Variants in PRKAG2 observed in about 807,000 individuals in gnomAD.
PRKAG2 encodes protein kinase AMP-activated non-catalytic subunit gamma 2.
In PRKAG2, 26 loss-of-function variants were observed where a neutral mutation model predicts 69.6. That is an observed-to-expected ratio of 0.37 (90% CI 0.27 to 0.52). The LOEUF (loss-of-function observed/expected upper bound fraction) is 0.52. Ranked by LOEUF, PRKAG2 falls within the 20% of genes least tolerant of loss-of-function variation. PRKAG2 has a pLI of 0.90. For missense variants in PRKAG2, 557 were observed against 740.0 expected, an observed-to-expected ratio of 0.75 and a Z score of 2.87; for synonymous variants, 293 against 285.0, an observed-to-expected ratio of 1.03 and a Z score of -0.28.
intron 9 of PRKAG2, 99 bp downstream of exon 9, chr7:151,572,565 G>A: frequency 1.2e-6 from 1 of 853,622 alleles, no homozygotes; most frequent in South Asian, 1.5e-5. Context: ...AACATTTTAT[G>A]GAGCAGAGAG....
chr7:151,703,338 T>C (rs190811049), intron 3 of PRKAG2, among the ~76,000 whole-genome samples: 405 of 152,314 alleles, frequency 2.7e-3, no homozygotes, highest in African/African-American at 9.4e-3. Flanking sequence ...ATTTTACCAA[T>C]GAGCAAATAA....
chr7:151,594,202 T>C (rs945786896), intron 6 of PRKAG2, among the ~76,000 whole-genome samples: 9 of 152,206 alleles, frequency 5.9e-5, no homozygotes, highest in Admixed American at 5.9e-4. Context: ...GCTGGGTGTC[T>C]TCCCCTGCCC....
In PRKAG2 at chr7:151,806,167, C is replaced by T. The variant is rs760957209; in HGVS notation, c.115-19626G>A. ...TCCCACCACTGCACCCCAGCTTGGG[C>T]GACAGAGCGAGACTCCGTCTCAACA... On this transcript the variant is annotated intron_variant, in intron 1 of 15. Transcript: ENST00000287878. Among the ~76,000 whole-genome samples the T allele has an allele frequency of 2.0e-5, 3 of 152,204 alleles. No homozygotes were observed. In the East Asian group the frequency reaches 5.8e-4, roughly 29 times the overall value.
intron 3 of PRKAG2, among the ~76,000 whole-genome samples, chr7:151,755,456 G>A (rs2151746081): frequency 6.6e-6 from 1 of 152,220 alleles, no homozygotes; most frequent in South Asian, 2.1e-4. Flanking sequence ...TGACCTCAGA[G>A]GACCTCAGAG....
intron 3 of PRKAG2, among the ~76,000 whole-genome samples, chr7:151,682,980 C>T (rs903925224): frequency 6.6e-6 from 1 of 152,238 alleles, no homozygotes; most frequent in Non-Finnish European, 1.5e-5. Context: ...AAAGGACAGA[C>T]AGGTGCCCCC....
intron 3 of PRKAG2, among the ~76,000 whole-genome samples, chr7:151,717,588 G>A (rs918877721): frequency 1.2e-4 from 19 of 152,210 alleles, no homozygotes; most frequent in African/African-American, 4.3e-4. Flanking sequence ...CTCACCGGCT[G>A]GTACAGTGAC....
At chr7:151,650,724 G>GT (rs1828354560) in intron 4 of PRKAG2, among the ~76,000 whole-genome samples, 1 of 152,242 alleles carries the variant, frequency 6.6e-6, no homozygotes, top group African/African-American at 2.4e-5. Context: ...CAACAAGGCA[G>GT]TGGCAAACTG....
Position 151,807,367 on chromosome 7 carries a change from T to C in PRKAG2, c.115-20826A>G, listed in dbSNP as rs2078165989. ...CTGGAATACTCCATGTGCTTTTTCA[T>C]GCAGCGGGAGTGGAATTTTCAGGAA... is the stretch of plus-strand genomic sequence containing the variant. On this transcript the variant is annotated intron_variant, in intron 1 of 15. Coordinates refer to ENST00000287878, the MANE Select transcript of PRKAG2 (RefSeq NM_016203.4). This position sits in a 1 kb window ranked among gnomAD's most constrained non-coding sequence, Gnocchi z 4.4. 2 of 453,776 alleles carry C rather than the reference T, an allele frequency of 4.4e-6. No homozygotes were observed. Among genetic ancestry groups the C allele is most frequent in the African/African-American group, 4.0e-5 (2 of 50,124 alleles). 28.1% of individuals were successfully genotyped at this position (453,776 alleles called of 1,614,324 possible). A position where few individuals can be genotyped will look rare whatever the true frequency, so the allele number is the denominator to read the frequency against.
In PRKAG2 at chr7:151,681,428, C is replaced by G. The variant is rs558196262; in HGVS notation, c.467-5791G>C. ...GAAGGGAAACTTTTAGAGGAAGGGA[C>G]AGGTGAAATGCTGAGACTCACAGTG... On this transcript the variant is annotated intron_variant, in intron 3 of 15. Coordinates refer to ENST00000287878, the MANE Select transcript of PRKAG2 (RefSeq NM_016203.4). Among the ~76,000 whole-genome samples, 32 of 152,220 alleles carry G rather than the reference C, an allele frequency of 2.1e-4. 1 individual carries two copies. The highest frequency in any genetic ancestry group is 7.7e-4 in the African/African-American group (32 of 41,528).
At chr7:151,558,548 C>T in intron 15 of PRKAG2, 1 of 932,662 alleles carries the variant, frequency 1.1e-6, no homozygotes, top group Non-Finnish European at 1.3e-6. Flanking sequence ...GGGACTTGGC[C>T]TCACGGTGGG....
At chr7:151,846,707 A>C (rs1458575392) in intron 1 of PRKAG2, among the ~76,000 whole-genome samples, 2 of 152,008 alleles carry the variant, frequency 1.3e-5, no homozygotes, top group Non-Finnish European at 2.9e-5. Context: ...CGTGTAGATA[A>C]AGTGAGTATT....
intron 1 of PRKAG2, among the ~76,000 whole-genome samples, chr7:151,795,073 C>T (rs559091143): frequency 2.0e-5 from 3 of 152,244 alleles, no homozygotes; most frequent in Non-Finnish European, 2.9e-5. Context: ...CAGCCTCTTA[C>T]AGGCAGCTGC....
intron 5 of PRKAG2, among the ~76,000 whole-genome samples, chr7:151,623,182 T>C (rs940528131): frequency 6.6e-6 from 1 of 151,742 alleles, no homozygotes; most frequent in African/African-American, 2.4e-5. Flanking sequence ...CTGGCCAACA[T>C]GGTAAAACCC....
intron 3 of PRKAG2, among the ~76,000 whole-genome samples, chr7:151,769,489 C>T (rs755569884): frequency 4.6e-5 from 7 of 152,192 alleles, no homozygotes; most frequent in Non-Finnish European, 8.8e-5. Context: ...GCTGAAGTTA[C>T]GCATCTACGA....
intron 15 of PRKAG2, chr7:151,559,404 G>T: frequency 1.0e-6 from 1 of 985,412 alleles, no homozygotes; most frequent in Non-Finnish European, 1.2e-6. Context: ...AACACTTGAA[G>T]TTTGCAAGTG....
chr7:151,865,232 G>A (rs1365084261), intron 1 of PRKAG2, among the ~76,000 whole-genome samples: 1 of 152,208 alleles, frequency 6.6e-6, no homozygotes, highest in Non-Finnish European at 1.5e-5. Context: ...ACGGCCTGCT[G>A]GACACACGGC....
chr7:151,712,922 G>A (rs1795557811), intron 3 of PRKAG2, among the ~76,000 whole-genome samples: 2 of 152,230 alleles, frequency 1.3e-5, no homozygotes, highest in Admixed American at 1.3e-4. Context: ...GATATTTTCA[G>A]CACTTTCCCA....
At chr7:151,744,468 C>T (rs1044176796) in intron 3 of PRKAG2, among the ~76,000 whole-genome samples, 1 of 152,220 alleles carries the variant, frequency 6.6e-6, no homozygotes, top group African/African-American at 2.4e-5. Flanking sequence ...CGTCATCAGG[C>T]CGAGCTGCCT....
chr7:151,728,139 C>T (rs1798309774), intron 3 of PRKAG2, among the ~76,000 whole-genome samples: 1 of 152,180 alleles, frequency 6.6e-6, no homozygotes, highest in Non-Finnish European at 1.5e-5. Context: ...CAACCAGCAC[C>T]ACTGTCATGA....
Sources: gnomAD v4.1 joint callset for allele counts (sites outside exome capture counted in the v4.1 genomes callset) on GRCh38, gnomAD v4.1.1 for gene constraint, Gnocchi (gnomAD v3.1) non-coding constraint, MANE v1.5 for transcripts, NCBI Gene and HGNC (gene_info 2026-07-23, HGNC 2026-07-21) for gene names.